TTF1: variants seen among roughly 807,000 people sequenced by gnomAD.
TTF1 encodes transcription termination factor 1.
TTF1 carries 64 observed loss-of-function variants against 80.2 expected under a neutral mutation model. The ratio of observed to expected loss-of-function variants is 0.80; its 90% CI spans 0.65 to 0.98. The LOEUF (loss-of-function observed/expected upper bound fraction) is 0.98, where lower values mean the gene tolerates loss of function less well. Among genes scored for constraint, TTF1 ranks in the 50% least tolerant of loss-of-function variants. The probability of loss-of-function intolerance (pLI) is 0.00; values close to 1 mark genes in which losing one functional copy is unlikely to be tolerated. For synonymous variants in TTF1, 372 were observed against 382.7 expected, an observed-to-expected ratio of 0.97 and a Z score of 0.33; for missense variants, 1,023 against 1,086.2, an observed-to-expected ratio of 0.94 and a Z score of 0.82.
intron 5 of TTF1, among the ~76,000 whole-genome samples, chr9:132,392,941 C>T (rs939924005): frequency 2.0e-5 from 3 of 152,140 alleles, no homozygotes; most frequent in Non-Finnish European, 4.4e-5. Context: ...ATTTTACATT[C>T]GGTTCTTCAT....
intron 10 of TTF1, among the ~76,000 whole-genome samples, chr9:132,376,553 TGA>T (rs1302677121): frequency 6.6e-6 from 1 of 151,926 alleles, no homozygotes; most frequent in Admixed American, 6.6e-5. Flanking sequence ...GCAGACTGCA[TGA>T]GAGAGCACAG....
chr9:132,381,705 G>T (rs1449776640), intron 9 of TTF1, among the ~76,000 whole-genome samples: 1 of 152,140 alleles, frequency 6.6e-6, no homozygotes, highest in Non-Finnish European at 1.5e-5. Flanking sequence ...GCATGTATCT[G>T]TGAGTCCTGG....
At chr9:132,376,348 T>C (rs1411830450) in intron 10 of TTF1, among the ~76,000 whole-genome samples, 180 bp from the exon 11 acceptor site, 1 of 152,150 alleles carries the variant, frequency 6.6e-6, no homozygotes, top group African/African-American at 2.4e-5. Flanking sequence ...TCCTACGAGG[T>C]AGGCACTGTT....
chr9:132,381,549 G>A (rs1207674854), intron 9 of TTF1, among the ~76,000 whole-genome samples: 3 of 152,172 alleles, frequency 2.0e-5, no homozygotes, highest in Non-Finnish European at 1.5e-5. Context: ...AATGTAAGTC[G>A]TTCTCAAGAT....
intron 5 of TTF1, 150 bp downstream of exon 5, chr9:132,396,281 GAC>G (rs1849646160): frequency 8.0e-6 from 6 of 746,678 alleles, no homozygotes; most frequent in Non-Finnish European, 1.4e-5. Flanking sequence ...AGGCCATGAA[GAC>G]ACACATTTGA....
chr9:132,403,682 CA>C lies in TTF1; in HGVS notation c.-7-855del, dbSNP rs558916976. Among the ~76,000 whole-genome samples, 566 of 151,750 alleles carry C rather than the reference CA, an allele frequency of 3.7e-3. 2 individuals are homozygous for C. Among genetic ancestry groups the C allele is most frequent in the African/African-American group, 0.013 (547 of 41,378 alleles). ...TCTTCTCTGCTTTAAAAAAAAAAGA[CA>C]AAGAAAAAAGAAAACAAGGAAGAAA... On this transcript the variant is annotated intron_variant, in intron 1 of 10. Coordinates refer to ENST00000334270, the MANE Select transcript of TTF1 (RefSeq NM_007344.4).
At chr9:132,382,484 C>G (rs1013805419) in intron 9 of TTF1, among the ~76,000 whole-genome samples, 2 of 152,184 alleles carry the variant, frequency 1.3e-5, no homozygotes, top group South Asian at 2.1e-4. Flanking sequence ...CAGGAATATG[C>G]TGTACTCCTG....
In TTF1 at chr9:132,375,810, G is replaced by A. The variant is rs1290648146; in HGVS notation, c.*105C>T. On this transcript the variant is annotated 3_prime_UTR_variant, in exon 11 of 11. Coordinates refer to ENST00000334270, the MANE Select transcript of TTF1 (RefSeq NM_007344.4). Reference sequence around the variant, plus strand: ...CAATTCTCCTGCCTCAGCCTCCCAAGTAGTTGAAATTACAGGTGTGCACTA... The same window carrying A: ...CAATTCTCCTGCCTCAGCCTCCCAAATAGTTGAAATTACAGGTGTGCACTA... 1 of 685,116 alleles carries A rather than the reference G, an allele frequency of 1.5e-6. No individual in the cohort carries two copies. Among genetic ancestry groups the A allele is most frequent in the Non-Finnish European group, 2.4e-6 (1 of 412,588 alleles). The allele number at this position is 685,116 out of a possible 1,614,324, so 42.4% of individuals were successfully genotyped here.
chr9:132,402,332 T>G lies in TTF1; in HGVS notation c.490A>C (p.Arg164=). The change falls in exon 2 of 11, where the codon AGG becomes CGG. Residue 164 remains arginine, a synonymous_variant. Coordinates refer to ENST00000334270, the MANE Select transcript of TTF1 (RefSeq NM_007344.4). ...HKSEALHSKV[R]EKKNKKHQRK... ...TGATGCTTTTTATTCTTTTTCTCCC[T>G]AACTTTACTGTGCAGGGCTTCTGAT... is the stretch of plus-strand genomic sequence containing the variant. 6.2e-7 allele frequency: 1 copy of G among 1,614,160 alleles called. No individual in the cohort carries two copies. The highest frequency in any genetic ancestry group is 8.5e-7 in the Non-Finnish European group (1 of 1,180,022).
Position 132,375,769 on chromosome 9 carries a change from A to T in TTF1, c.*146T>A. On this transcript the variant is annotated 3_prime_UTR_variant, in exon 11 of 11. Coordinates refer to ENST00000334270, the MANE Select transcript of TTF1 (RefSeq NM_007344.4). ...GCGATCTTGGCTCACTGCAACCTCCACCTCCTGGGTTCAAGCAATTCTCCT... is the reference window on the plus strand; with the variant it reads ...GCGATCTTGGCTCACTGCAACCTCCTCCTCCTGGGTTCAAGCAATTCTCCT... 1 of 592,884 alleles carries T rather than the reference A, an allele frequency of 1.7e-6. No homozygotes were observed. 36.7% of individuals were successfully genotyped at this position (592,884 alleles called of 1,614,324 possible).
At chr9:132,394,754 G>A (rs1360194472) in intron 5 of TTF1, among the ~76,000 whole-genome samples, 1 of 152,046 alleles carries the variant, frequency 6.6e-6, no homozygotes, top group Non-Finnish European at 1.5e-5. Flanking sequence ...TTAGCTGGGT[G>A]TGGTGGCACA....
intron 4 of TTF1, among the ~76,000 whole-genome samples, chr9:132,397,725 G>A (rs997294585): frequency 2.6e-5 from 4 of 152,280 alleles, no homozygotes; most frequent in South Asian, 2.1e-4. Context: ...GGTGGCTCAC[G>A]CCTGTAATCC....
intron 6 of TTF1, among the ~76,000 whole-genome samples, chr9:132,391,631 G>A (rs1849560095): frequency 6.6e-6 from 1 of 152,172 alleles, no homozygotes; most frequent in African/African-American, 2.4e-5. Flanking sequence ...ACCCGGTCAG[G>A]ACTGTCTTCT....
chr9:132,399,947 C>G, intron 3 of TTF1, 88 bp downstream of exon 3: 1 of 1,349,790 alleles, frequency 7.4e-7, no homozygotes, highest in Non-Finnish European at 1.1e-6. Flanking sequence ...TCTTGTCGAT[C>G]TATAAATCTG....
At chr9:132,389,086 T>C (rs1849517402) in intron 7 of TTF1, among the ~76,000 whole-genome samples, 3 of 152,174 alleles carry the variant, frequency 2.0e-5, no homozygotes, top group African/African-American at 7.2e-5. Context: ...ATCTTAATTA[T>C]GTTGATCTTG....
intron 1 of TTF1, among the ~76,000 whole-genome samples, chr9:132,406,108 T>C (rs907466289): frequency 6.6e-6 from 1 of 152,010 alleles, no homozygotes; most frequent in Non-Finnish European, 1.5e-5. Context: ...TCGATACATA[T>C]TGAGAACGGA....
intron 10 of TTF1, among the ~76,000 whole-genome samples, chr9:132,378,076 TGTGTGAGTGCATGTG>T (rs1269803769): frequency 4.4e-4 from 50 of 113,318 alleles, no homozygotes; most frequent in African/African-American, 1.5e-3. Context: ...GCATGTGGTG[TGTGTGAGTGCATGTG>T]GTGTGAGTGC....
chr9:132,398,113 G>A, intron 4 of TTF1, 28 bp downstream of exon 4: 2 of 1,541,980 alleles, frequency 1.3e-6, no homozygotes, highest in South Asian at 1.3e-5. Flanking sequence ...GCTGTGGATG[G>A]TCAAAGGGTG....
At chr9:132,383,829 C>T (rs1299356355) in intron 9 of TTF1, among the ~76,000 whole-genome samples, 1 of 152,008 alleles carries the variant, frequency 6.6e-6, no homozygotes, top group African/African-American at 2.4e-5. Flanking sequence ...TATCTTGGCG[C>T]TTTCTTTGCC....
Sources: allele counts gnomAD v4.1 joint callset (sites outside exome capture counted in the v4.1 genomes callset), GRCh38; gene constraint gnomAD v4.1.1; transcripts MANE v1.5; gene names NCBI Gene and HGNC (gene_info 2026-07-23, HGNC 2026-07-21).